Variants in FKBP6 observed in about 807,000 individuals in gnomAD.
FKBP6 encodes inactive peptidyl-prolyl cis-trans isomerase FKBP6.
In FKBP6, 29 loss-of-function variants were observed where a neutral mutation model predicts 41.7. The observed-to-expected ratio is 0.70, with a 90% CI of 0.52 to 0.95. The LOEUF (loss-of-function observed/expected upper bound fraction) is 0.95. FKBP6 is among the 40% of genes least tolerant of loss of function. The pLI, the probability that FKBP6 is intolerant of heterozygous loss-of-function variation, is 0.00. For synonymous variants in FKBP6, 130 were observed against 165.1 expected, an observed-to-expected ratio of 0.79 and a Z score of 1.63; for missense variants, 338 against 408.7, an observed-to-expected ratio of 0.83 and a Z score of 1.49.
intron 8 of FKBP6, among the ~76,000 whole-genome samples, chr7:73,353,108 C>CCT (rs1171884298): frequency 1.3e-5 from 2 of 152,086 alleles, no homozygotes; most frequent in Non-Finnish European, 1.5e-5. Context: ...CTCCCTCTCT[C>CCT]TCACCCTCTC....
intron 8 of FKBP6, among the ~76,000 whole-genome samples, chr7:73,343,288 C>T (rs920284166): frequency 2.0e-5 from 3 of 151,982 alleles, no homozygotes; most frequent in African/African-American, 4.8e-5. Context: ...CCTGAGTAGC[C>T]GAGATTACAG....
chr7:73,340,997 C>T (rs1013539350), intron 6 of FKBP6, among the ~76,000 whole-genome samples, 165 bp downstream of exon 6: 10 of 148,256 alleles, frequency 6.7e-5, no homozygotes, highest in Non-Finnish European at 1.2e-4. Context: ...AAATTCGGCT[C>T]GCTGCAACCT....
Position 73,340,917 on chromosome 7 carries a change from CTTTTTTTTTTTTT to C in FKBP6, c.783+97_783+109del, listed in dbSNP as rs368227645. 183 of 483,022 alleles carry C rather than the reference CTTTTTTTTTTTTT, an allele frequency of 3.8e-4. 1 individual carries two copies. The highest frequency in any genetic ancestry group is 3.7e-3 in the South Asian group (168 of 45,618). 29.9% of individuals were successfully genotyped at this position (483,022 alleles called of 1,614,324 possible). A position where few individuals can be genotyped will look rare whatever the true frequency, so the allele number is the denominator to read the frequency against. The stretch of plus-strand genomic sequence containing the variant: ...AACTCAGCTACTGCAAAAATGCTGT[CTTTTTTTTTTTTT>C]TTTTTTTTTTTAGACAGAGTTTTGC... On this transcript the variant is annotated intron_variant, in intron 6 of 8. Transcript: ENST00000252037.
At chr7:73,329,834 G>C (rs1583795116) in intron 3 of FKBP6, 1 of 529,238 alleles carries the variant, frequency 1.9e-6, no homozygotes, top group Non-Finnish European at 3.4e-6. Flanking sequence ...CAGCTCACTT[G>C]GTAGAATCGG....
chr7:73,355,697 T>C (rs77809781), intron 8 of FKBP6, among the ~76,000 whole-genome samples: 78 of 152,206 alleles, frequency 5.1e-4, no homozygotes, highest in African/African-American at 1.7e-3. Context: ...TACCCAGGCT[T>C]GACAGTGAAC....
At chr7:73,334,701 T>C (rs1321148273) in intron 5 of FKBP6, among the ~76,000 whole-genome samples, 2 of 152,224 alleles carry the variant, frequency 1.3e-5, no homozygotes, top group Non-Finnish European at 2.9e-5. Context: ...GTGTATATTA[T>C]TTTATATATT....
intron 5 of FKBP6, among the ~76,000 whole-genome samples, chr7:73,334,105 A>G (rs969233193): frequency 1.3e-5 from 2 of 152,158 alleles, no homozygotes; most frequent in Non-Finnish European, 2.9e-5. Flanking sequence ...CTGAGCTCAA[A>G]GCTAACAACA....
At chr7:73,351,126 C>T (rs1329997531) in intron 8 of FKBP6, among the ~76,000 whole-genome samples, 1 of 152,056 alleles carries the variant, frequency 6.6e-6, no homozygotes, top group African/African-American at 2.4e-5. Context: ...GTCACCCAGG[C>T]TGGAGTACAG....
rs112365294 is a variant in FKBP6 at position 73,350,509 on chromosome 7, C to T, written c.*2+7610C>T. On this transcript the variant is annotated intron_variant, in intron 8 of 8. Coordinates refer to ENST00000252037, the MANE Select transcript of FKBP6 (RefSeq NM_003602.5). ...CCCCGAAGCGGCCATGCACTTTTAT[C>T]CTTCTCTCAGATGTTGAGGAAATTC... is the stretch of plus-strand genomic sequence containing the variant. Among the ~76,000 whole-genome samples the T allele has an allele frequency of 4.9e-3, 752 of 152,182 alleles. 6 individuals carry two copies. The highest frequency in any genetic ancestry group is 8.7e-3 in the Non-Finnish European group (591 of 68,012).
intron 8 of FKBP6, among the ~76,000 whole-genome samples, chr7:73,356,653 A>C (rs1190364047): frequency 2.0e-5 from 3 of 152,120 alleles, no homozygotes; most frequent in African/African-American, 7.2e-5. Context: ...CACCTTTCTG[A>C]TGTTTTTAAG....
intron 8 of FKBP6, among the ~76,000 whole-genome samples, chr7:73,343,882 T>C (rs981609845): frequency 6.6e-6 from 1 of 152,182 alleles, no homozygotes; most frequent in Admixed American, 6.5e-5. Flanking sequence ...TGTTGCTTCC[T>C]CCATCTCCCT....
At chr7:73,349,238 C>G (rs186439257) in intron 8 of FKBP6, among the ~76,000 whole-genome samples, 2 of 150,578 alleles carry the variant, frequency 1.3e-5, no homozygotes, top group Admixed American at 6.6e-5. Flanking sequence ...GGAGAAACCC[C>G]GTCTCTACTA....
chr7:73,342,058 G>T (rs1246788278), intron 7 of FKBP6, among the ~76,000 whole-genome samples: 1 of 151,706 alleles, frequency 6.6e-6, no homozygotes, highest in Non-Finnish European at 1.5e-5. Context: ...AAGGCCCCTC[G>T]TAGGTCCTCA....
intron 5 of FKBP6, among the ~76,000 whole-genome samples, chr7:73,334,196 C>A (rs116539560): frequency 6.6e-6 from 1 of 152,156 alleles, no homozygotes; most frequent in African/African-American, 2.4e-5. Flanking sequence ...AGACGAAGAT[C>A]GTTTTTCCCC....
intron 5 of FKBP6, among the ~76,000 whole-genome samples, chr7:73,335,458 C>T (rs1224308084): frequency 6.6e-6 from 1 of 152,212 alleles, no homozygotes; most frequent in Non-Finnish European, 1.5e-5. Flanking sequence ...GAGGTTCTCA[C>T]TGTCTGGTAT....
At chr7:73,343,673 G>T (rs1402187804) in intron 8 of FKBP6, among the ~76,000 whole-genome samples, 1 of 152,150 alleles carries the variant, frequency 6.6e-6, no homozygotes, top group Admixed American at 6.5e-5. Context: ...CACAGGGCGG[G>T]AGTTCCCAAG....
intron 8 of FKBP6, among the ~76,000 whole-genome samples, chr7:73,348,053 A>C (rs942501039): frequency 6.6e-6 from 1 of 152,202 alleles, no homozygotes; most frequent in Non-Finnish European, 1.5e-5. Flanking sequence ...TTAAGCTTTT[A>C]AGAGCCGAGA....
At chr7:73,350,057 A>G (rs782016640) in intron 8 of FKBP6, among the ~76,000 whole-genome samples, 2 of 152,160 alleles carry the variant, frequency 1.3e-5, no homozygotes, top group Non-Finnish European at 2.9e-5. Flanking sequence ...CAGGAAATGG[A>G]TAGAGACCAA....
chr7:73,350,316 T>C (rs1805454287), intron 8 of FKBP6, among the ~76,000 whole-genome samples: 1 of 152,196 alleles, frequency 6.6e-6, no homozygotes, highest in Non-Finnish European at 1.5e-5. Context: ...TGATTGTTTC[T>C]GCCTCAGATT....
Sources: allele counts gnomAD v4.1 joint callset (sites outside exome capture counted in the v4.1 genomes callset), GRCh38; gene constraint gnomAD v4.1.1; transcripts MANE v1.5; gene names NCBI Gene and HGNC (gene_info 2026-07-23, HGNC 2026-07-21).